The following TOP6BL variants were observed in gnomAD, a reference collection of about 807,000 sequenced individuals.
The protein encoded by TOP6BL is type 2 DNA topoisomerase 6 subunit B-like.
At chr11:66,748,691 CA>C in the TOP6BL span, among the ~76,000 whole-genome samples, 1 of 152,002 alleles carries the variant, frequency 6.6e-6, no homozygotes, top group African/African-American at 2.4e-5. Flanking sequence ...ATGTATCATA[CA>C]GGAAAGGTGA....
At chr11:66,776,504 C>T in the TOP6BL span, among the ~76,000 whole-genome samples, 1,643 of 152,218 alleles carry the variant, frequency 0.011, 36 homozygotes, top group African/African-American at 0.037. Flanking sequence ...AAGTCTACCA[C>T]TGGCCGGGAG....
chr11:66,763,941 C>T, the TOP6BL span, among the ~76,000 whole-genome samples: 1 of 152,162 alleles, frequency 6.6e-6, no homozygotes, highest in Non-Finnish European at 1.5e-5. Flanking sequence ...ATTCTGTGAG[C>T]ATTTGGTAAG....
chr11:66,803,888 GTGTGGT>G, the TOP6BL span: 4 of 785,458 alleles, frequency 5.1e-6, no homozygotes, highest in East Asian at 1.1e-4. Context: ...ATGGCAGGTT[GTGTGGT>G]TGTACATATG....
the TOP6BL span, among the ~76,000 whole-genome samples, chr11:66,790,739 A>G: frequency 2.6e-5 from 4 of 152,204 alleles, no homozygotes; most frequent in Non-Finnish European, 4.4e-5. Context: ...TGGCCATGGA[A>G]ATAGGTGGCT....
At chr11:66,744,800 C>T in the TOP6BL span, 1 of 1,270,338 alleles carries the variant, frequency 7.9e-7, no homozygotes, top group Non-Finnish European at 9.9e-7. Context: ...GGCGGAGTTC[C>T]AAGCCCGGGC....
chr11:66,816,432 T>A, the TOP6BL span, among the ~76,000 whole-genome samples: 1 of 152,226 alleles, frequency 6.6e-6, no homozygotes, highest in Non-Finnish European at 1.5e-5. Flanking sequence ...AGATACTTCA[T>A]ATATTGCTCC....
chr11:66,836,670 TAGTG>T, the TOP6BL span, among the ~76,000 whole-genome samples: 367 of 145,748 alleles, frequency 2.5e-3, 1 homozygote, highest in African/African-American at 8.5e-3. Context: ...CTGGGCAACA[TAGTG>T]AGACCTCGTC....
chr11:66,830,140 T>C, the TOP6BL span, among the ~76,000 whole-genome samples: 7 of 152,208 alleles, frequency 4.6e-5, no homozygotes, highest in African/African-American at 1.7e-4. Flanking sequence ...TTTAGCAAGA[T>C]AGAACATATT....
At chr11:66,806,446 G>A in the TOP6BL span, among the ~76,000 whole-genome samples, 3 of 152,068 alleles carry the variant, frequency 2.0e-5, no homozygotes, top group African/African-American at 7.2e-5. Flanking sequence ...GAAGCTATAG[G>A]AGTAAATGAA....
the TOP6BL span, among the ~76,000 whole-genome samples, chr11:66,836,545 T>C: frequency 9.1e-3 from 1,364 of 150,142 alleles, 22 homozygotes; most frequent in African/African-American, 0.031. Flanking sequence ...TGTTAAATTA[T>C]TGAGTTATGA....
the TOP6BL span, chr11:66,796,239 G>C: frequency 7.2e-7 from 1 of 1,394,842 alleles, no homozygotes; most frequent in Non-Finnish European, 1.0e-6. Context: ...GTGCTCTTGA[G>C]ATTGTGTATG....
the TOP6BL span, chr11:66,744,850 G>GCGGC: frequency 3.0e-6 from 4 of 1,316,756 alleles, no homozygotes; most frequent in Non-Finnish European, 3.9e-6. Flanking sequence ...CGGCGGGCGG[G>GCGGC]TACCCTTCGA....
chr11:66,794,880 C>G, the TOP6BL span, among the ~76,000 whole-genome samples: 1 of 152,160 alleles, frequency 6.6e-6, no homozygotes, highest in Non-Finnish European at 1.5e-5. Context: ...CTTCTGTAAT[C>G]CCAGCACTTT....
At chr11:66,791,492 T>C in the TOP6BL span, among the ~76,000 whole-genome samples, 1 of 152,198 alleles carries the variant, frequency 6.6e-6, no homozygotes, top group South Asian at 2.1e-4. Flanking sequence ...TACTTCTGTG[T>C]GTATGTATCT....
the TOP6BL span, among the ~76,000 whole-genome samples, chr11:66,747,893 T>G: frequency 6.6e-6 from 1 of 152,202 alleles, no homozygotes; most frequent in Non-Finnish European, 1.5e-5. Context: ...GTGCTGGGAT[T>G]GCAGGCATAA....
At chr11:66,788,406 C>A in the TOP6BL span, 1 of 637,784 alleles carries the variant, frequency 1.6e-6, no homozygotes, top group Non-Finnish European at 2.7e-6. Flanking sequence ...CCAAACTTGC[C>A]TGTGCAGACA....
At chr11:66,789,438 T>C in the TOP6BL span, among the ~76,000 whole-genome samples, 1 of 152,178 alleles carries the variant, frequency 6.6e-6, no homozygotes, top group African/African-American at 2.4e-5. Flanking sequence ...TTGGGCAGCC[T>C]TTCTCCATGT....
the TOP6BL span, among the ~76,000 whole-genome samples, chr11:66,803,762 C>T: frequency 1.1e-4 from 17 of 152,036 alleles, no homozygotes; most frequent in Non-Finnish European, 2.2e-4. Context: ...AAGAAGCATC[C>T]GTTAGTGGCA....
At chr11:66,745,852 C>A in the TOP6BL span, among the ~76,000 whole-genome samples, 18 of 152,316 alleles carry the variant, frequency 1.2e-4, no homozygotes, top group Non-Finnish European at 2.2e-4. Context: ...GCTCTTTCGC[C>A]CAGGCTGGAG....
Sources: allele counts gnomAD v4.1 joint callset (sites outside exome capture counted in the v4.1 genomes callset), GRCh38; gene constraint gnomAD v4.1.1; transcripts MANE v1.5; gene names NCBI Gene and HGNC (gene_info 2026-07-23, HGNC 2026-07-21).